The following SLCO1A2 variants were observed in gnomAD, a reference collection of about 807,000 sequenced individuals.
SLCO1A2 encodes OATP-1.
In SLCO1A2, 67 loss-of-function variants were observed where a neutral mutation model predicts 69.0. The ratio of observed to expected loss-of-function variants is 0.97; its 90% CI spans 0.80 to 1.19. The LOEUF is 1.19. Ranked by LOEUF, SLCO1A2 falls within the 50% of genes most tolerant of loss-of-function variation. The pLI is 0.00. For missense variants in SLCO1A2, 787 were observed against 793.7 expected, an observed-to-expected ratio of 0.99 and a Z score of 0.10; for synonymous variants, 260 against 265.9, an observed-to-expected ratio of 0.98 and a Z score of 0.22.
At chr12:21,309,878 A>G (rs1391565350) in intron 4 of SLCO1A2, among the ~76,000 whole-genome samples, 1 of 152,200 alleles carries the variant, frequency 6.6e-6, no homozygotes, top group African/African-American at 2.4e-5. Context: ...GAGAATTGAA[A>G]GTGATATGTG....
At chr12:21,326,032 C>CTCT (rs1451326616) in intron 2 of SLCO1A2, among the ~76,000 whole-genome samples, 3 of 152,104 alleles carry the variant, frequency 2.0e-5, no homozygotes, top group Non-Finnish European at 2.9e-5. Context: ...TGAGAGGGAC[C>CTCT]CACTGGGAAG....
chr12:21,316,119 T>A (rs77433281), intron 3 of SLCO1A2, among the ~76,000 whole-genome samples: 2,692 of 152,262 alleles, frequency 0.018, 32 homozygotes, highest in Non-Finnish European at 0.03. Context: ...TTTGGGGCAA[T>A]CAAACATGAA....
chr12:21,345,925 T>C (rs1953238484), intron 2 of SLCO1A2, among the ~76,000 whole-genome samples: 1 of 152,004 alleles, frequency 6.6e-6, no homozygotes. Context: ...TTAACAAATA[T>C]ATAGAATATA....
At chr12:21,389,805 C>G (rs563647816) in intron 1 of SLCO1A2, among the ~76,000 whole-genome samples, 1 of 151,614 alleles carries the variant, frequency 6.6e-6, no homozygotes, top group South Asian at 2.1e-4. Flanking sequence ...CATGCACCCA[C>G]AGAGATACAA....
chr12:21,270,145 T>C (rs1942545091), intron 14 of SLCO1A2, among the ~76,000 whole-genome samples: 1 of 151,874 alleles, frequency 6.6e-6, no homozygotes, highest in Admixed American at 6.6e-5. Context: ...TAATATATAC[T>C]CTTGTGAGAG....
intron 2 of SLCO1A2, among the ~76,000 whole-genome samples, chr12:21,358,815 AC>A (rs1282930793): frequency 6.6e-6 from 1 of 152,190 alleles, no homozygotes; most frequent in Non-Finnish European, 1.5e-5. Flanking sequence ...AAGTCTAAAT[AC>A]CTACCAAAGC....
chr12:21,277,051 C>T (rs954763691), intron 12 of SLCO1A2, among the ~76,000 whole-genome samples: 2 of 152,216 alleles, frequency 1.3e-5, no homozygotes, highest in Non-Finnish European at 2.9e-5. Flanking sequence ...CCTACTGAGA[C>T]ACCAGCCAGG....
intron 1 of SLCO1A2, among the ~76,000 whole-genome samples, chr12:21,387,170 G>C (rs933950569): frequency 1.3e-5 from 2 of 152,188 alleles, no homozygotes; most frequent in Non-Finnish European, 2.9e-5. Flanking sequence ...AGATGACAGA[G>C]CATAAAAGTT....
intron 1 of SLCO1A2, among the ~76,000 whole-genome samples, chr12:21,381,825 C>A (rs542163088): frequency 6.6e-6 from 1 of 152,036 alleles, no homozygotes; most frequent in Non-Finnish European, 1.5e-5. Flanking sequence ...AGTAGAAAAA[C>A]AATAGATATT....
chr12:21,405,928 C>T (rs1331023707), intron 1 of SLCO1A2, among the ~76,000 whole-genome samples: 1 of 152,182 alleles, frequency 6.6e-6, no homozygotes. Context: ...ATAATCATAG[C>T]ACCTACCTCA....
rs1939194716 is a variant in SLCO1A2 at position 21,364,343 on chromosome 12, A to C, written c.-63+10056T>G. On this transcript the variant is annotated intron_variant, in intron 2 of 15. Coordinates refer to the SLCO1A2 transcript ENST00000307378. ...GAAGAAAAGGCCTTTGACAAAATTT[A>C]ACAGCTCTTCATGCTGAAAACTCTC... is the stretch of plus-strand genomic sequence containing the variant. Among the ~76,000 whole-genome samples the C allele has an allele frequency of 2.0e-5, 3 of 152,246 alleles. No homozygotes were observed. In the South Asian group the frequency reaches 6.2e-4, roughly 31 times the overall value.
chr12:21,401,353 C>G (rs577471324), intron 1 of SLCO1A2, among the ~76,000 whole-genome samples: 1 of 151,454 alleles, frequency 6.6e-6, no homozygotes, highest in Non-Finnish European at 1.5e-5. Flanking sequence ...AAATATCATT[C>G]ACAATAACAA....
At chr12:21,307,871 G>C (rs772824458) in intron 4 of SLCO1A2, among the ~76,000 whole-genome samples, 3 of 152,050 alleles carry the variant, frequency 2.0e-5, no homozygotes, top group Non-Finnish European at 2.9e-5. Context: ...TAATAAAAAG[G>C]CTCAAAATAC....
chr12:21,347,578 G>A (rs1360938023), intron 2 of SLCO1A2, among the ~76,000 whole-genome samples: 1 of 151,968 alleles, frequency 6.6e-6, no homozygotes, highest in Non-Finnish European at 1.5e-5. Flanking sequence ...CCAGGAGGCG[G>A]AGGTTGCAGT....
At chr12:21,324,246 G>A (rs1259441439) in intron 2 of SLCO1A2, among the ~76,000 whole-genome samples, 1 of 152,170 alleles carries the variant, frequency 6.6e-6, no homozygotes, top group African/African-American at 2.4e-5. Context: ...CAAAAGTCAG[G>A]GCTGAAATCC....
In SLCO1A2 at chr12:21,292,214, G is replaced by A; in HGVS notation, c.1560C>T (p.Ser520=). 1 of 1,611,094 alleles carries A rather than the reference G, an allele frequency of 6.2e-7. No individual in the cohort carries two copies. Residue 520 remains serine (S), a synonymous_variant, in exon 12 of 15, where the codon AGC becomes AGT. Transcript: ENST00000683939. ...LQYFLILSAM[S]SFIYSLAAIP... is the part of the protein sequence containing the mutation. The stretch of plus-strand genomic sequence containing the variant: ...TGGCAGCCAAAGAATAAATGAAACT[G>A]CTCATCGCTGACAAGATTAGGAAGT...
chr12:21,334,419 C>T lies in SLCO1A2; in HGVS notation c.60+169G>A, dbSNP rs541991895. Among the ~76,000 whole-genome samples the T allele has an allele frequency of 2.6e-5, 4 of 152,148 alleles. No homozygotes were observed. The South Asian group carries it at 8.3e-4, about 32-fold the overall frequency. ...CTGAATCAATAATCCTGTGTAGACA[C>T]ACCCTCAGTTATAAAACCAACTTCT... On this transcript the variant is annotated intron_variant, in intron 2 of 14. Transcript: ENST00000683939.
rs573384721 is a variant in SLCO1A2 at position 21,360,168 on chromosome 12, C to T, written c.-63+14231G>A. Among the ~76,000 whole-genome samples, 133 of 151,988 alleles carry T rather than the reference C, an allele frequency of 8.8e-4. 1 individual carries two copies. Among genetic ancestry groups the T allele is most frequent in the African/African-American group, 2.9e-3 (121 of 41,410 alleles). The stretch of plus-strand genomic sequence containing the variant: ...AGTAGAAGGAAATGAGGAAGTGTAA[C>T]GAGATAAACTAAAAAAGGTTACAAG... On this transcript the variant is annotated intron_variant, in intron 2 of 15. Coordinates refer to the SLCO1A2 transcript ENST00000307378.
At chr12:21,376,384 A>T (rs928381556) in intron 1 of SLCO1A2, 2 of 320,426 alleles carry the variant, frequency 6.2e-6, no homozygotes, top group Admixed American at 3.5e-5. Flanking sequence ...TTAGAATTCA[A>T]TGCAAATGTA....
Sources: allele counts gnomAD v4.1 joint callset (sites outside exome capture counted in the v4.1 genomes callset), GRCh38; gene constraint gnomAD v4.1.1; transcripts MANE v1.5; gene names NCBI Gene and HGNC (gene_info 2026-07-23, HGNC 2026-07-21).